The following AFDN variants were observed in gnomAD, a reference collection of about 807,000 sequenced individuals.
AFDN encodes the protein afadin.
Under a neutral mutation model 216.6 loss-of-function variants are expected in AFDN, and 68 were observed. The ratio of observed to expected loss-of-function variants is 0.31; its 90% CI spans 0.26 to 0.38. AFDN has a LOEUF of 0.38. AFDN is among the 10% of genes least tolerant of loss of function. AFDN has a pLI of 1.00. For synonymous variants in AFDN, 868 were observed against 853.7 expected (o/e 1.02, Z -0.29); for missense variants, 2,136 against 2,342.0 (o/e 0.91, Z 1.82).
chr6:167,952,300 T>TA, intron 30 of AFDN, 113 bp downstream of exon 30: 1 of 1,568,788 alleles, frequency 6.4e-7, no homozygotes, highest in Non-Finnish European at 8.6e-7. Context: ...AAAGGGCCCC[T>TA]AGGCTTATAC....
At chr6:167,934,545 G>T (rs1793741148) in intron 23 of AFDN, among the ~76,000 whole-genome samples, 1 of 152,192 alleles carries the variant, frequency 6.6e-6, no homozygotes, top group Middle Eastern at 3.2e-3. Context: ...GTCAACAGAA[G>T]TATGCCTGAT....
intron 27 of AFDN, 55 bp from the exon 28 acceptor site, chr6:167,947,798 A>G: frequency 9.6e-6 from 11 of 1,150,784 alleles, no homozygotes; most frequent in Non-Finnish European, 1.4e-5. Context: ...TTCATGTTAT[A>G]TATAGGTTGT....
chr6:167,940,246 G>A (rs1420992405), intron 23 of AFDN, among the ~76,000 whole-genome samples: 2 of 150,494 alleles, frequency 1.3e-5, no homozygotes, highest in Non-Finnish European at 3.0e-5. Context: ...ATCCACAGGA[G>A]AGATGTGTGG....
chr6:167,876,785 G>C (rs951684243), intron 5 of AFDN, among the ~76,000 whole-genome samples: 1 of 150,270 alleles, frequency 6.7e-6, no homozygotes, highest in Non-Finnish European at 1.5e-5. Context: ...TTTTTTTTAC[G>C]ATAAAATAGG....
At position 167,898,132 on chromosome 6, in the gene AFDN, C is replaced by T. The variant is rs1046147119; in HGVS notation, c.1318-73C>T. 14 of 1,531,294 alleles carry T rather than the reference C, an allele frequency of 9.1e-6. No homozygotes were observed. In the African/African-American group the frequency reaches 9.6e-5, roughly 11 times the overall value. 94.9% of individuals were successfully genotyped at this position (1,531,294 alleles called of 1,614,324 possible). A position where few individuals can be genotyped will look rare whatever the true frequency, so the allele number is the denominator to read the frequency against. On this transcript the variant is annotated intron_variant, in intron 10 of 33. Transcript: ENST00000683244. ...ATATTTGTCATAAAAGGGGTACTCA[C>T]GGTTTTAACATTCTGTGTTTAAATG...
At chr6:167,965,699 G>T (rs909643476) in intron 31 of AFDN, 58 bp from the exon 32 acceptor site, 14 of 1,448,946 alleles carry the variant, frequency 9.7e-6, no homozygotes, top group Non-Finnish European at 1.1e-5. Flanking sequence ...AGGCCCAGTG[G>T]GTCGGCTGTT....
At chr6:167,882,447 C>G (rs1295388725) in intron 6 of AFDN, among the ~76,000 whole-genome samples, 2 of 150,300 alleles carry the variant, frequency 1.3e-5, no homozygotes, top group African/African-American at 4.9e-5. Flanking sequence ...TGAGACAAGG[C>G]TGGTCAACAT....
chr6:167,864,691 T>C lies in AFDN; in HGVS notation c.246T>C (p.Asp82=), dbSNP rs1783974909. 6.2e-7 allele frequency: 1 copy of C among 1,614,188 alleles called. No individual in the cohort carries two copies. Among genetic ancestry groups the C allele is most frequent in the Non-Finnish European group, 8.5e-7 (1 of 1,180,026 alleles). ...IETLAEKFRP[D]MRMLSSPKYS... ...CGCTCGCGGAGAAATTTCGACCTGA[T>C]ATGCGAATGCTGTCCTCTCCCAAGT... Residue 82 remains aspartate, a synonymous_variant, in exon 2 of 34, where the codon GAT becomes GAC. Coordinates refer to ENST00000683244, the MANE Select transcript of AFDN (RefSeq NM_001386888.1).
intron 1 of AFDN, among the ~76,000 whole-genome samples, chr6:167,846,374 A>G (rs1562542759): frequency 6.6e-6 from 1 of 152,148 alleles, no homozygotes; most frequent in Non-Finnish European, 1.5e-5. Flanking sequence ...ATACTAAAAT[A>G]ATTTTACTTC....
intron 12 of AFDN, 150 bp downstream of exon 12, chr6:167,902,536 C>A (rs537918810): frequency 3.5e-6 from 2 of 572,078 alleles, no homozygotes; most frequent in South Asian, 4.6e-5. Context: ...TAGTACAGAG[C>A]CCTATGGATA....
chr6:167,830,445 A>G (rs1401294084), intron 1 of AFDN, among the ~76,000 whole-genome samples: 1 of 152,214 alleles, frequency 6.6e-6, no homozygotes, highest in African/African-American at 2.4e-5. Flanking sequence ...ATATACCTTT[A>G]TTCATGACAA....
chr6:167,906,680 GTTGA>G (rs1789731432), intron 12 of AFDN, among the ~76,000 whole-genome samples: 1 of 152,268 alleles, frequency 6.6e-6, no homozygotes, highest in East Asian at 1.9e-4. Flanking sequence ...TTTCCCCGGT[GTTGA>G]TTAAGGGCAA....
At chr6:167,856,918 GTA>G (rs1448073008) in intron 1 of AFDN, among the ~76,000 whole-genome samples, 6 of 152,152 alleles carry the variant, frequency 3.9e-5, no homozygotes, top group African/African-American at 1.4e-4. Flanking sequence ...TTATAAAATT[GTA>G]TAGTTTTGTT....
At chr6:167,861,402 A>G (rs1359553762) in intron 1 of AFDN, among the ~76,000 whole-genome samples, 1 of 152,212 alleles carries the variant, frequency 6.6e-6, no homozygotes, top group Non-Finnish European at 1.5e-5. Context: ...GTTTCCAGGA[A>G]TACTCTTACT....
chr6:167,863,840 T>C (rs758317239), intron 1 of AFDN: 2 of 517,160 alleles, frequency 3.9e-6, no homozygotes, highest in East Asian at 1.1e-4. Flanking sequence ...GTTCATTGAT[T>C]ATGGGCAAGT....
intron 1 of AFDN, among the ~76,000 whole-genome samples, chr6:167,828,218 A>G (rs971990839): frequency 6.6e-6 from 1 of 152,262 alleles, no homozygotes; most frequent in Non-Finnish European, 1.5e-5. Context: ...TAGGTAATTT[A>G]TAGTTAATAC....
At chr6:167,959,536 G>A (rs1796843928) in intron 30 of AFDN, among the ~76,000 whole-genome samples, 1 of 152,176 alleles carries the variant, frequency 6.6e-6, no homozygotes, top group South Asian at 2.1e-4. Context: ...AAGGGAGGGA[G>A]CATAGGCAGA....
rs984701520 is a variant in AFDN, at chr6:167,889,201, T to G, written c.898-14T>G. The G allele has an allele frequency of 6.3e-7, 1 of 1,578,592 alleles. No individual in the cohort carries two copies. The highest frequency in any genetic ancestry group is 1.4e-5 in the African/African-American group (1 of 74,030). Reference sequence around the variant, plus strand: ...CTTTGGCACATTCATAGTTAATTATTTTTGTTTTTTTAGGTTATGCTTCCT... The same window carrying G: ...CTTTGGCACATTCATAGTTAATTATGTTTGTTTTTTTAGGTTATGCTTCCT... On this transcript the variant is annotated splice_polypyrimidine_tract_variant and intron_variant, in intron 6 of 33. Coordinates refer to ENST00000683244, the MANE Select transcript of AFDN (RefSeq NM_001386888.1).
chr6:167,890,398 C>T (rs112576716), intron 7 of AFDN, among the ~76,000 whole-genome samples: 6 of 152,060 alleles, frequency 3.9e-5, no homozygotes, highest in South Asian at 2.1e-4. Flanking sequence ...TAGGCTTTTG[C>T]GGGAACAGGC....
Sources: gnomAD v4.1 joint callset for allele counts (sites outside exome capture counted in the v4.1 genomes callset) on GRCh38, gnomAD v4.1.1 for gene constraint, MANE v1.5 for transcripts, NCBI Gene and HGNC (gene_info 2026-07-23, HGNC 2026-07-21) for gene names.